The following KAT5 variants were observed in gnomAD, a reference collection of about 807,000 sequenced individuals.
The protein encoded by KAT5 is histone acetyltransferase KAT5.
Under a neutral mutation model 68.1 loss-of-function variants are expected in KAT5, and 31 were observed. The observed-to-expected ratio is 0.46, with a 90% CI of 0.34 to 0.61. The LOEUF is 0.61. Ranked by LOEUF, KAT5 falls within the 20% of genes least tolerant of loss-of-function variation. The pLI is 0.01. For synonymous variants in KAT5, 365 were observed against 292.6 expected (o/e 1.25, Z -2.52); for missense variants, 451 against 725.5 (o/e 0.62, Z 4.35).
intron 3 of KAT5, 98 bp from the exon 4 acceptor site, chr11:65,713,250 G>C: frequency 1.4e-6 from 2 of 1,383,868 alleles, no homozygotes; most frequent in South Asian, 2.5e-5. Flanking sequence ...GAAGGCGAGG[G>C]TGGGGTTTGA....
rs1204272481 is a variant in KAT5, at chr11:65,712,302, G to C, written c.35G>C (p.Gly12Ala). The change falls in exon 1 of 13, where the codon GGG becomes GCG. Residue 12 changes from glycine (G) to alanine (A), a missense_variant. Gly to Ala is a moderately conservative substitution (Grantham distance 60). Around this residue, in one of 4 missense-constraint regions of KAT5, gnomAD observed 104 missense variants for 107.3 expected, o/e 0.97. Transcript: ENST00000341318. ...AEVVSPVPGA[G>A]RREPGEVGRA... ...GTGGTGAGTCCGGTGCCCGGGGCGG[G>C]GCGGAGGGAGCCAGGGGAGGTGGGT... The C allele has an allele frequency of 7.5e-6, 11 of 1,462,306 alleles. No homozygotes were observed. Among genetic ancestry groups the C allele is most frequent in the Non-Finnish European group, 9.9e-6 (11 of 1,110,440 alleles). The allele number at this position is 1,462,306 out of a possible 1,614,324, so 90.6% of individuals were successfully genotyped here.
In KAT5 at chr11:65,716,748, T is replaced by C; in HGVS notation, c.1111T>C (p.Phe371Leu). ...TLYYDTDPFL[F>L]YVMTEYDCKG... is the part of the protein sequence containing the mutation. ...GTACTATGACACAGACCCTTTCCTC[T>C]TCTACGTCATGACAGAGTATGACTG... Residue 371 changes from phenylalanine to leucine, a missense_variant, in exon 9 of 13, where the codon TTC becomes CTC. Around this residue, in one of 4 missense-constraint regions of KAT5, gnomAD observed 210 missense variants for 423.7 expected, o/e 0.50. Coordinates refer to ENST00000341318, the MANE Select transcript of KAT5 (RefSeq NM_182710.3). The C allele has an allele frequency of 6.2e-7, 1 of 1,613,940 alleles. No homozygotes were observed. Among genetic ancestry groups the C allele is most frequent in the Non-Finnish European group, 8.5e-7 (1 of 1,179,830 alleles).
At position 65,714,667 on chromosome 11, in the gene KAT5, C is replaced by T; in HGVS notation, c.863C>T (p.Thr288Ile). The change falls in exon 7 of 13, where the codon ACC becomes ATC. Residue 288 changes from threonine to isoleucine, a missense_variant. Thr to Ile is a moderately conservative substitution (Grantham distance 89). Transcript: ENST00000341318. The part of the protein sequence containing the change: ...WYFSPYPQEL[T>I]TLPVLYLCEF... ...TTCTCCCCGTACCCACAGGAACTCA[C>T]CACATTGCCTGTCCTCTACCTGTGC... is the stretch of plus-strand genomic sequence containing the variant. The T allele has an allele frequency of 6.2e-7, 1 of 1,614,220 alleles. No homozygotes were observed. Among genetic ancestry groups the T allele is most frequent in the Non-Finnish European group, 8.5e-7 (1 of 1,180,030 alleles).
chr11:65,716,577 C>A, intron 8 of KAT5, 90 bp from the exon 9 acceptor site: 1 of 1,281,498 alleles, frequency 7.8e-7, no homozygotes, highest in Non-Finnish European at 1.1e-6. Flanking sequence ...TGGGGCATAG[C>A]ACGAACAGTG....
At position 65,719,560 on chromosome 11, in the gene KAT5, C is replaced by A; in HGVS notation, c.*379C>A. On this transcript the variant is annotated 3_prime_UTR_variant, in exon 13 of 13. Transcript: ENST00000341318. ...TGCTGGCTGCAAAAATTTCTGGCTT[C>A]TCTTACCCCTATTGCCCCCGGCAAT... The A allele has an allele frequency of 1.6e-6, 1 of 635,648 alleles. No homozygotes were observed. The allele number at this position is 635,648 out of a possible 1,614,324, so 39.4% of individuals were successfully genotyped here.
At chr11:65,713,692 T>C (rs1219596729) in intron 5 of KAT5, 25 bp downstream of exon 5, 1 of 1,613,852 alleles carries the variant, frequency 6.2e-7, no homozygotes, top group South Asian at 1.1e-5. Context: ...CCATCTCTTG[T>C]TCTCTTCCTC....
intron 6 of KAT5, chr11:65,714,229 A>T: frequency 1.8e-6 from 1 of 549,508 alleles, no homozygotes; most frequent in Admixed American, 3.2e-5. Context: ...CCGGAGGTGG[A>T]GATTGCAGTG....
chr11:65,714,043 C>T, intron 6 of KAT5, 195 bp downstream of exon 6: 1 of 611,594 alleles, frequency 1.6e-6, no homozygotes, highest in Non-Finnish European at 2.8e-6. Flanking sequence ...ACCTGTAATC[C>T]CAGCACTTTG....
Position 65,719,600 on chromosome 11 carries a change from T to C in KAT5, c.*419T>C, listed in dbSNP as rs1332453264. On this transcript the variant is annotated 3_prime_UTR_variant, in exon 13 of 13. Coordinates refer to ENST00000341318, the MANE Select transcript of KAT5 (RefSeq NM_182710.3). ...CCCCCGGCAATAAATTGTTTCTATA[T>C]GCCAGAGCCATGCAAAGTTCTTGGT... 1.4e-6 allele frequency: 1 copy of C among 722,596 alleles called. No homozygotes were observed. Among genetic ancestry groups the C allele is most frequent in the Non-Finnish European group, 2.5e-6 (1 of 407,954 alleles). 44.8% of individuals were successfully genotyped at this position (722,596 alleles called of 1,614,324 possible). A position where few individuals can be genotyped will look rare whatever the true frequency, so the allele number is the denominator to read the frequency against.
At chr11:65,715,200 G>T (rs1221107694) in intron 8 of KAT5, 6 of 424,990 alleles carry the variant, frequency 1.4e-5, no homozygotes, top group Non-Finnish European at 2.2e-5. Context: ...GAGCTTCATA[G>T]AGGGTTACCT....
chr11:65,715,300 T>G (rs1046417259), intron 8 of KAT5: 8 of 258,160 alleles, frequency 3.1e-5, no homozygotes, highest in African/African-American at 1.7e-4. Flanking sequence ...GTGGTCTTTG[T>G]GAAAGGCAGA....
intron 3 of KAT5, 109 bp downstream of exon 3, chr11:65,713,167 T>C: frequency 6.9e-7 from 1 of 1,454,076 alleles, no homozygotes; most frequent in Non-Finnish European, 9.5e-7. Flanking sequence ...CACCCTGACT[T>C]CATCTTGCAA....
At position 65,716,877 on chromosome 11, in the gene KAT5, C is replaced by G; in HGVS notation, c.1171-12C>G. 6.2e-7 allele frequency: 1 copy of G among 1,613,324 alleles called. No individual in the cohort carries two copies. On this transcript the variant is annotated splice_polypyrimidine_tract_variant and intron_variant, in intron 9 of 12. Transcript: ENST00000341318. ...ATCCCTTCCCTGACACTCACCTGTC[C>G]CCCTTCTCCAGGAGAAAGAATCAAC... is the stretch of plus-strand genomic sequence containing the variant.
intron 10 of KAT5, chr11:65,717,261 C>T: frequency 1.9e-6 from 1 of 540,132 alleles, no homozygotes; most frequent in Admixed American, 3.2e-5. Context: ...CTGCCTGGAG[C>T]CATGGGCAGA....
At chr11:65,716,414 G>T in intron 8 of KAT5, 1 of 526,472 alleles carries the variant, frequency 1.9e-6, no homozygotes, top group Non-Finnish European at 3.4e-6. Flanking sequence ...GGAGCAAGGC[G>T]GGAAACTTGC....
rs886048491 is a variant in KAT5, at chr11:65,718,921, T to G, written c.1473T>G (p.Thr491=). The part of the protein sequence containing the change: ...TSIKKEDVIS[T]LQYLNLINYY... The stretch of plus-strand genomic sequence containing the variant: ...TCAAGAAGGAGGATGTCATCTCCAC[T>G]CTGCAGTACCTCAATCTCATCAACT... Residue 491 remains threonine, a synonymous_variant, in exon 12 of 13, where the codon ACT becomes ACG. Transcript: ENST00000341318. 6.2e-7 allele frequency: 1 copy of G among 1,614,156 alleles called. No homozygotes were observed. Among genetic ancestry groups the G allele is most frequent in the Admixed American group, 1.7e-5 (1 of 60,022 alleles).
At position 65,712,782 on chromosome 11, in the gene KAT5, G is replaced by C. The variant is rs767228909; in HGVS notation, c.195G>C (p.Leu65=). 1 of 1,614,066 alleles carries C rather than the reference G, an allele frequency of 6.2e-7. No homozygotes were observed. ...TTCTCATAGCCCTGGCCGAGATCCT[G>C]AGCGTGAAGGACATCAGTGGCCGGA... The part of the protein sequence containing the change: ...NEDEWPLAEI[L]SVKDISGRKL... Residue 65 remains leucine, a synonymous_variant, in exon 2 of 13, where the codon CTG becomes CTC. Coordinates refer to ENST00000341318, the MANE Select transcript of KAT5 (RefSeq NM_182710.3).
intron 8 of KAT5, chr11:65,716,065 A>C (rs1161672105): frequency 6.6e-6 from 1 of 151,754 alleles, no homozygotes; most frequent in African/African-American, 2.4e-5. Flanking sequence ...GAAATGCAGG[A>C]GAAATCGTGT....
At chr11:65,714,317 CT>C in intron 6 of KAT5, 177 bp from the exon 7 acceptor site, 2 of 712,598 alleles carry the variant, frequency 2.8e-6, no homozygotes, top group Admixed American at 2.9e-5. Context: ...ATTGGGTGAT[CT>C]TTTCCACATC....
Sources: allele counts gnomAD v4.1 joint callset, GRCh38; gene constraint gnomAD v4.1.1; regional missense constraint gnomAD v4.1.1; transcripts MANE v1.5; gene names NCBI Gene and HGNC (gene_info 2026-07-23, HGNC 2026-07-21).